Variants in AOPEP observed in about 807,000 individuals in gnomAD.
AOPEP encodes the protein aminopeptidase O.
In AOPEP, 77 loss-of-function variants were observed where a neutral mutation model predicts 98.1. The observed-to-expected ratio is 0.78, with a 90% CI of 0.65 to 0.95. The LOEUF is 0.95. AOPEP is among the 40% of genes least tolerant of loss of function. The pLI, the probability that AOPEP is intolerant of heterozygous loss-of-function variation, is 0.00. For missense variants in AOPEP, 1,024 were observed against 1,024.7 expected, an observed-to-expected ratio of 1.00 and a Z score of 0.01; for synonymous variants, 346 against 365.3, an observed-to-expected ratio of 0.95 and a Z score of 0.60.
intron 1 of AOPEP, among the ~76,000 whole-genome samples, chr9:94,742,919 G>A (rs144222044): frequency 6.6e-6 from 1 of 152,220 alleles, no homozygotes; most frequent in African/African-American, 2.4e-5. Flanking sequence ...TTGGAGATAG[G>A]AGGCAGGGAT....
At chr9:95,076,645 T>G (rs1170060442) in intron 14 of AOPEP, among the ~76,000 whole-genome samples, 1 of 152,182 alleles carries the variant, frequency 6.6e-6, no homozygotes, top group East Asian at 1.9e-4. Context: ...GAAGTTATCT[T>G]TGTTAGGAGG....
At chr9:95,120,370 C>T in the AOPEP span, among the ~76,000 whole-genome samples, 3 of 151,318 alleles carry the variant, frequency 2.0e-5, no homozygotes, top group Non-Finnish European at 4.4e-5. Flanking sequence ...CTATGGCTGT[C>T]TTTTTGCCAA....
At chr9:95,066,211 C>T (rs760289478) in intron 14 of AOPEP, among the ~76,000 whole-genome samples, 9 of 152,104 alleles carry the variant, frequency 5.9e-5, no homozygotes, top group Non-Finnish European at 1.2e-4. Context: ...GACGGTCTGT[C>T]TCTCAGTACA....
chr9:94,751,332 T>TC (rs1419619148), intron 1 of AOPEP, among the ~76,000 whole-genome samples: 1 of 152,184 alleles, frequency 6.6e-6, no homozygotes, highest in Non-Finnish European at 1.5e-5. Flanking sequence ...GAAGTGGTAC[T>TC]CCCTTTCATT....
chr9:95,001,144 T>C (rs762228372), intron 11 of AOPEP, among the ~76,000 whole-genome samples: 3 of 152,204 alleles, frequency 2.0e-5, no homozygotes, highest in Non-Finnish European at 2.9e-5. Flanking sequence ...AATGTGAAGT[T>C]GGTCTCACTG....
chr9:94,945,171 C>T (rs2057482204), intron 7 of AOPEP, among the ~76,000 whole-genome samples: 1 of 152,162 alleles, frequency 6.6e-6, no homozygotes, highest in Admixed American at 6.5e-5. Flanking sequence ...AAGAAAGCAT[C>T]CCTCAAGCAC....
intron 9 of AOPEP, among the ~76,000 whole-genome samples, chr9:94,965,923 A>G (rs1427521336): frequency 1.3e-5 from 2 of 149,376 alleles, no homozygotes; most frequent in African/African-American, 2.5e-5. Flanking sequence ...TCTGCAGTTA[A>G]CTGGGTGTCA....
chr9:95,137,751 T>C, the AOPEP span, among the ~76,000 whole-genome samples: 7 of 152,094 alleles, frequency 4.6e-5, no homozygotes, highest in Non-Finnish European at 8.8e-5. Context: ...GAGGAAGCTC[T>C]GAGTGTGGAG....
chr9:94,953,412 G>T (rs762272111), intron 7 of AOPEP, among the ~76,000 whole-genome samples: 25 of 152,164 alleles, frequency 1.6e-4, no homozygotes, highest in Non-Finnish European at 3.4e-4. Context: ...CCTTGTGTCT[G>T]CTGGGATAAT....
intron 3 of AOPEP, among the ~76,000 whole-genome samples, chr9:94,777,609 C>T (rs1218402271): frequency 6.7e-6 from 1 of 148,544 alleles, no homozygotes; most frequent in Non-Finnish European, 1.5e-5. Flanking sequence ...AAGGCTTGTA[C>T]CTAGAATTAT....
chr9:95,093,506 G>A, the AOPEP span, among the ~76,000 whole-genome samples: 1 of 152,130 alleles, frequency 6.6e-6, no homozygotes, highest in Non-Finnish European at 1.5e-5. Context: ...CTCTCTTAGA[G>A]CAAACAAAGA....
chr9:95,008,729 C>T (rs886496870), intron 13 of AOPEP, among the ~76,000 whole-genome samples: 1 of 152,200 alleles, frequency 6.6e-6, no homozygotes, highest in African/African-American at 2.4e-5. Context: ...TCCCACCCAC[C>T]AGAGAATTGT....
At chr9:95,122,028 T>C in the AOPEP span, among the ~76,000 whole-genome samples, 2 of 151,882 alleles carry the variant, frequency 1.3e-5, no homozygotes, top group African/African-American at 4.8e-5. Flanking sequence ...CGGCGAATTT[T>C]TTTGTATTTT....
chr9:94,908,017 C>T (rs1208112414), intron 5 of AOPEP, among the ~76,000 whole-genome samples: 5 of 152,150 alleles, frequency 3.3e-5, no homozygotes, highest in Non-Finnish European at 7.4e-5. Context: ...GTATAAGACA[C>T]CAGGCTGTCT....
chr9:95,023,870 TA>T, intron 13 of AOPEP, among the ~76,000 whole-genome samples: 1 of 152,374 alleles, frequency 6.6e-6, no homozygotes, highest in East Asian at 1.9e-4. Flanking sequence ...ATGCATGATT[TA>T]AAAAGGCTTC....
rs552844417 is a variant in AOPEP, at chr9:94,959,930, G to T, written c.1872+3915G>T. ...AAATTTTCTTTTACTTGAATTTAAT[G>T]AATGAAAAAGCAACTAAAGTGGAGA... On this transcript the variant is annotated intron_variant, in intron 9 of 16. Coordinates refer to ENST00000375315, the MANE Select transcript of AOPEP (RefSeq NM_001193329.3). 4.6e-5 allele frequency among the ~76,000 whole-genome samples: 7 copies of T among 152,256 alleles called. No individual in the cohort carries two copies. The East Asian group carries it at 1.3e-3, about 29-fold the overall frequency.
rs76744467 is a variant in AOPEP at position 94,808,480 on chromosome 9, C to T, written c.1364+7478C>T. ...GGAGTTGAGGTACATTGCACAAATC[C>T]GCCCTGATTTAACCCCAGAGTGGAG... On this transcript the variant is annotated intron_variant, in intron 5 of 16. Transcript: ENST00000375315. Among the ~76,000 whole-genome samples, 85 of 152,234 alleles carry T rather than the reference C, an allele frequency of 5.6e-4. 1 individual carries two copies. Among genetic ancestry groups the T allele is most frequent in the African/African-American group, 1.8e-3 (75 of 41,530 alleles).
At chr9:95,048,930 C>G (rs2066093889) in intron 13 of AOPEP, 1 of 152,202 alleles carries the variant, frequency 6.6e-6, no homozygotes, top group African/African-American at 2.4e-5. Context: ...CGGGCTCAGG[C>G]TTGGGATTTC....
the AOPEP span, chr9:95,125,081 C>G: frequency 5.0e-6 from 8 of 1,612,908 alleles, no homozygotes; most frequent in Non-Finnish European, 8.5e-7. Flanking sequence ...TGTGATATAA[C>G]AAACCTGCTT....
Sources: allele counts gnomAD v4.1 joint callset (sites outside exome capture counted in the v4.1 genomes callset), GRCh38; gene constraint gnomAD v4.1.1; transcripts MANE v1.5; gene names NCBI Gene and HGNC (gene_info 2026-07-23, HGNC 2026-07-21).